The following IFIH1 variants were observed in gnomAD, a reference collection of about 807,000 sequenced individuals.
The protein encoded by IFIH1 is interferon-induced helicase C domain-containing protein 1.
In IFIH1, 125 loss-of-function variants were observed where a neutral mutation model predicts 107.4. The ratio of observed to expected loss-of-function variants is 1.16; its 90% CI spans 1.01 to 1.35. The LOEUF (loss-of-function observed/expected upper bound fraction) is 1.35, where lower values mean the gene tolerates loss of function less well. IFIH1 is among the 40% of genes most tolerant of loss of function. IFIH1 has a pLI of 0.00. For synonymous variants in IFIH1, 458 were observed against 413.2 expected (o/e 1.11, Z -1.31); for missense variants, 1,333 against 1,213.7 (o/e 1.10, Z -1.46).
chr2:162,301,240 T>C (rs1683188452), intron 3 of IFIH1, among the ~76,000 whole-genome samples: 3 of 152,306 alleles, frequency 2.0e-5, no homozygotes, highest in Admixed American at 2.0e-4. Flanking sequence ...CGTGAACGAA[T>C]ATATAAATCA....
chr2:162,282,625 C>A, intron 5 of IFIH1, 49 bp from the exon 6 acceptor site: 1 of 1,284,474 alleles, frequency 7.8e-7, no homozygotes. Context: ...TAGTCGAAGC[C>A]AAAAGAGTGT....
chr2:162,278,335 ATAAAG>A lies in IFIH1; in HGVS notation c.1642-12_1642-8del. On this transcript the variant is annotated splice_region_variant and splice_polypyrimidine_tract_variant and intron_variant, in intron 8 of 15. Transcript: ENST00000649979. ...GTTTCTCTTTAAATGGATCCTAAAAATAAAGTACACACTTATTCTTATGTATTCTT... is the reference window on the plus strand; with the variant it reads ...GTTTCTCTTTAAATGGATCCTAAAAATACACACTTATTCTTATGTATTCTT... The A allele has an allele frequency of 1.6e-6, 2 of 1,275,702 alleles. No homozygotes were observed. Among genetic ancestry groups the A allele is most frequent in the South Asian group, 2.6e-5 (2 of 78,008 alleles). 79.0% of individuals were successfully genotyped at this position (1,275,702 alleles called of 1,614,324 possible).
At chr2:162,314,368 TTCCCTCCCTCCC>T (rs754021916) in intron 1 of IFIH1, among the ~76,000 whole-genome samples, 3 of 88,580 alleles carry the variant, frequency 3.4e-5, no homozygotes, top group Non-Finnish European at 7.3e-5. Context: ...TCTTCCTTCC[TTCCCTCCCTCCC>T]TCCCTCCCTC....
intron 3 of IFIH1, among the ~76,000 whole-genome samples, chr2:162,301,102 A>G (rs1683186677): frequency 1.3e-5 from 2 of 152,196 alleles, no homozygotes; most frequent in South Asian, 2.1e-4. Context: ...AATATATTCC[A>G]AAGCATAATG....
chr2:162,283,215 C>G (rs931817765), intron 5 of IFIH1, among the ~76,000 whole-genome samples: 8 of 151,940 alleles, frequency 5.3e-5, no homozygotes, highest in Admixed American at 2.0e-4. Context: ...CCGGAAGAAT[C>G]AGGGAACCAC....
Position 162,318,520 on chromosome 2 carries a change from G to T in IFIH1, c.-213C>A. ...GGCAGGTGGGCAGGCGGGCAGGTGG[G>T]CAGCGGGGCGGCGCGCGGGGCCGCG... On this transcript the variant is annotated 5_prime_UTR_variant, in exon 1 of 16. Coordinates refer to ENST00000649979, the MANE Select transcript of IFIH1 (RefSeq NM_022168.4). 6.0e-6 allele frequency: 2 copies of T among 331,610 alleles called. No individual in the cohort carries two copies. The highest frequency in any genetic ancestry group is 1.1e-5 in the Non-Finnish European group (2 of 186,928). The allele number at this position is 331,610 out of a possible 1,614,324, so 20.5% of individuals were successfully genotyped here.
intron 14 of IFIH1, 34 bp from the exon 15 acceptor site, chr2:162,267,603 G>GGCCGGGCGCGGTGGCTCACGCCTGT: frequency 6.8e-7 from 1 of 1,464,140 alleles, no homozygotes; most frequent in Non-Finnish European, 9.6e-7. Flanking sequence ...TCATCATGGA[G>GGCCGGGCGCGGTGGCTCACGCCTGT]AACTGACAAA....
intron 13 of IFIH1, among the ~76,000 whole-genome samples, chr2:162,270,615 CAGAGTCTTATTCTAA>C (rs1375631176): frequency 6.6e-6 from 1 of 152,136 alleles, no homozygotes; most frequent in Admixed American, 6.5e-5. Context: ...CCCAAAGGGA[CAGAGTCTTATTCTAA>C]AGAATGTCTG....
At chr2:162,289,061 T>C (rs1365322025) in intron 4 of IFIH1, among the ~76,000 whole-genome samples, 3 of 151,904 alleles carry the variant, frequency 2.0e-5, no homozygotes, top group Admixed American at 6.6e-5. Flanking sequence ...TGCTAGCCTT[T>C]AATTGGTAGG....
intron 4 of IFIH1, among the ~76,000 whole-genome samples, chr2:162,290,060 A>C (rs73012950): frequency 0.013 from 2,040 of 151,994 alleles, 37 homozygotes; most frequent in African/African-American, 0.047. Flanking sequence ...TTTGCAAAGG[A>C]AGATGCATTA....
At position 162,280,116 on chromosome 2, in the gene IFIH1, G is replaced by A. The variant is rs147768128; in HGVS notation, c.1525-4C>T. On this transcript the variant is annotated splice_polypyrimidine_tract_variant and splice_region_variant and intron_variant, in intron 7 of 15. Coordinates refer to ENST00000649979, the MANE Select transcript of IFIH1 (RefSeq NM_022168.4). ...ATGCATCAAGATTGGCACATAGCTG[G>A]AAAAGAGACATTTTTCAATATTTAT... 24 of 1,405,886 alleles carry A rather than the reference G, an allele frequency of 1.7e-5. No individual in the cohort carries two copies. Among genetic ancestry groups the A allele is most frequent in the Non-Finnish European group, 2.3e-5 (23 of 997,394 alleles). 87.1% of individuals were successfully genotyped at this position (1,405,886 alleles called of 1,614,324 possible).
intron 2 of IFIH1, 114 bp from the exon 3 acceptor site, chr2:162,306,969 C>A: frequency 1.2e-6 from 1 of 807,690 alleles, no homozygotes. Context: ...TAGAGATTGC[C>A]TGAATATATT....
intron 13 of IFIH1, among the ~76,000 whole-genome samples, chr2:162,271,776 A>G (rs1691044673): frequency 2.0e-5 from 3 of 152,168 alleles, no homozygotes; most frequent in Admixed American, 2.0e-4. Flanking sequence ...GGCACACACT[A>G]GAAATATAAA....
chr2:162,291,137 A>G (rs1450692349), intron 4 of IFIH1, among the ~76,000 whole-genome samples: 1 of 151,850 alleles, frequency 6.6e-6, no homozygotes, highest in African/African-American at 2.4e-5. Flanking sequence ...AGTATTGATT[A>G]AAGACCTTAA....
rs1488427717 is a variant in IFIH1 at position 162,277,480 on chromosome 2, T to C, written c.1979A>G (p.Glu660Gly). 6.2e-7 allele frequency: 1 copy of C among 1,602,846 alleles called. No homozygotes were observed. Among genetic ancestry groups the C allele is most frequent in the East Asian group, 2.2e-5 (1 of 44,744 alleles). Residue 660 changes from glutamate (E) to glycine (G), a missense_variant, in exon 10 of 16, where the codon GAG (glutamate) becomes GGG (glycine). By Grantham distance (98) the Glu-to-Gly change is moderately conservative (BLOSUM62 -2). Transcript: ENST00000649979. ...TTTCAAAGGTTTCTTTAAATCATCC[T>C]CATCTTCATCACCATCACAATACTC... ...DDEYCDGDEDEDDLKKPLKLD... is the reference protein window; with the variant it reads ...DDEYCDGDEDGDDLKKPLKLD...
rs756709941 is a variant in IFIH1 at position 162,317,857 on chromosome 2, G to C, written c.451C>G (p.Arg151Gly). ...EELLTIEDRN[R>G]IAAAENNGNE... ...GCTCCATCTGAACAGACACCTACCCGGTTTCTGTCTTCAATTGTCAACAGT... is the reference window on the plus strand; with the variant it reads ...GCTCCATCTGAACAGACACCTACCCCGTTTCTGTCTTCAATTGTCAACAGT... The change falls in exon 1 of 16, where the codon CGG (arginine) becomes GGG (glycine). Residue 151 changes from arginine (R) to glycine (G), a missense_variant and splice_region_variant. Physicochemically the swap from Arg to Gly is moderately radical, Grantham distance 125. Coordinates refer to ENST00000649979, the MANE Select transcript of IFIH1 (RefSeq NM_022168.4). The C allele has an allele frequency of 6.4e-7, 1 of 1,569,536 alleles. No individual in the cohort carries two copies. The highest frequency in any genetic ancestry group is 8.6e-7 in the Non-Finnish European group (1 of 1,159,164).
In IFIH1 at chr2:162,306,691, C is replaced by T. The variant is rs575221757; in HGVS notation, c.769+18G>A. On this transcript the variant is annotated intron_variant, in intron 3 of 15. Transcript: ENST00000649979. ...AAGTAGTAATTACTGTATTAAAGTACGTATGTGTTTCAAGTACCTGAAACT... is the reference window on the plus strand; with the variant it reads ...AAGTAGTAATTACTGTATTAAAGTATGTATGTGTTTCAAGTACCTGAAACT... 19 of 1,609,136 alleles carry T rather than the reference C, an allele frequency of 1.2e-5. No homozygotes were observed. Among genetic ancestry groups the T allele is most frequent in the Non-Finnish European group, 1.4e-5 (16 of 1,175,956 alleles).
At chr2:162,297,072 T>C (rs1420021591) in intron 3 of IFIH1, among the ~76,000 whole-genome samples, 1 of 152,034 alleles carries the variant, frequency 6.6e-6, no homozygotes, top group Non-Finnish European at 1.5e-5. Context: ...AGAAAATATA[T>C]TGTATTTCTT....
Position 162,293,642 on chromosome 2 carries a change from T to C in IFIH1, c.796A>G (p.Ser266Gly). 6.2e-7 allele frequency: 1 copy of C among 1,611,056 alleles called. No homozygotes were observed. Among genetic ancestry groups the C allele is most frequent in the East Asian group, 2.2e-5 (1 of 44,816 alleles). The change falls in exon 4 of 16, where the codon AGT (serine) becomes GGT (glycine). Residue 266 changes from serine (S) to glycine (G), a missense_variant. By Grantham distance (56) the Ser-to-Gly change is moderately conservative. Transcript: ENST00000649979. ...AGACTTTCATCTAAGCAGCTGACAC[T>C]TCCTTCTGCCAAACTTGTGTCTGAT... ...SESDTSLAEG[S>G]VSCLDESLGH...
Sources: allele counts gnomAD v4.1 joint callset (sites outside exome capture counted in the v4.1 genomes callset), GRCh38; gene constraint gnomAD v4.1.1; transcripts MANE v1.5; gene names NCBI Gene and HGNC (gene_info 2026-07-23, HGNC 2026-07-21).